RGS7: variants seen among roughly 807,000 people sequenced by gnomAD.
The protein encoded by RGS7 is regulator of G-protein signaling 7.
A neutral mutation model predicts 81.1 loss-of-function variants in RGS7; 27 were observed. That is an observed-to-expected ratio of 0.33 (90% confidence interval 0.25 to 0.46). The LOEUF is 0.46. RGS7 is among the 20% of genes least tolerant of loss of function. RGS7 has a pLI of 1.00. For missense variants in RGS7, 396 were observed against 607.4 expected (o/e 0.65, Z 3.66); for synonymous variants, 208 against 207.7 (o/e 1.00, Z -0.01).
intron 9 of RGS7, among the ~76,000 whole-genome samples, chr1:240,846,258 GT>G (rs1429307836): frequency 2.0e-5 from 3 of 152,028 alleles, no homozygotes; most frequent in African/African-American, 4.8e-5. Context: ...CATCTCAAAA[GT>G]TTTTTTCCTT....
chr1:240,890,651 G>C (rs1407438062), intron 6 of RGS7, among the ~76,000 whole-genome samples: 2 of 152,206 alleles, frequency 1.3e-5, no homozygotes, highest in Admixed American at 6.5e-5. Flanking sequence ...GCCAGGCACT[G>C]TGATTGTGCT....
intron 2 of RGS7, among the ~76,000 whole-genome samples, chr1:241,254,199 A>C (rs2076957189): frequency 1.0e-5 from 1 of 99,470 alleles, no homozygotes; most frequent in Non-Finnish European, 2.4e-5. Context: ...ACTCCATCTC[A>C]AAAAAAAAAA....
chr1:240,944,282 G>GTGTATATATATA (rs1352421845), intron 4 of RGS7, among the ~76,000 whole-genome samples: 5 of 55,822 alleles, frequency 9.0e-5, no homozygotes, highest in East Asian at 7.2e-4. Flanking sequence ...GTGTGTGTGT[G>GTGTATATATATA]TATATATATA....
In RGS7 at chr1:241,230,165, A is replaced by T. The variant is rs143197848; in HGVS notation, c.78+125534T>A. Among the ~76,000 whole-genome samples the T allele has an allele frequency of 1.2e-3, 184 of 152,244 alleles. 3 individuals carry two copies. The highest frequency in any genetic ancestry group is 1.2e-4 in the Non-Finnish European group (8 of 68,020). ...GGAAATTCCTACTTAATATGAGTCC[A>T]TATAATCAGAAAACATGATGAATTT... On this transcript the variant is annotated intron_variant, in intron 2 of 18. Transcript: ENST00000440928.
chr1:240,780,601 G>A (rs1035656767), intron 18 of RGS7, among the ~76,000 whole-genome samples: 1 of 151,942 alleles, frequency 6.6e-6, no homozygotes, highest in Non-Finnish European at 1.5e-5. Context: ...ACAGATTAAT[G>A]TGATTTGGTT....
intron 9 of RGS7, among the ~76,000 whole-genome samples, chr1:240,848,451 C>G (rs10926370): frequency 6.6e-6 from 1 of 151,812 alleles, no homozygotes; most frequent in Non-Finnish European, 1.5e-5. Context: ...TCAGGACACA[C>G]AATAATTTTT....
intron 4 of RGS7, among the ~76,000 whole-genome samples, chr1:240,955,547 G>GCA (rs1680241687): frequency 7.0e-6 from 1 of 143,474 alleles, no homozygotes; most frequent in African/African-American, 2.7e-5. Context: ...GCAAGACTCT[G>GCA]TCTCAAAAAA....
intron 2 of RGS7, among the ~76,000 whole-genome samples, chr1:241,258,393 C>T (rs180952293): frequency 6.6e-6 from 1 of 152,196 alleles, no homozygotes; most frequent in Non-Finnish European, 1.5e-5. Flanking sequence ...TTTTTATTGG[C>T]AGAACTTATT....
At chr1:241,152,140 C>CAAAAAAAAAAAA (rs112950850) in intron 2 of RGS7, among the ~76,000 whole-genome samples, 6 of 108,488 alleles carry the variant, frequency 5.5e-5, no homozygotes, top group African/African-American at 1.8e-4. Flanking sequence ...CATTAGCAGC[C>CAAAAAAAAAAAA]AAAAAAAAAA....
intron 2 of RGS7, among the ~76,000 whole-genome samples, chr1:241,177,217 G>C (rs1030157807): frequency 1.3e-5 from 2 of 152,220 alleles, no homozygotes; most frequent in Non-Finnish European, 1.5e-5. Context: ...CTACTCCACA[G>C]AGCTTGCCAA....
At chr1:240,797,256 A>G (rs1687222481) in intron 18 of RGS7, among the ~76,000 whole-genome samples, 1 of 152,222 alleles carries the variant, frequency 6.6e-6, no homozygotes, top group Admixed American at 6.5e-5. Flanking sequence ...GTGGCTGATC[A>G]GTCATCCTAC....
intron 2 of RGS7, among the ~76,000 whole-genome samples, chr1:241,291,587 T>TTTTTTTC (rs2079091153): frequency 7.4e-6 from 1 of 135,108 alleles, no homozygotes; most frequent in African/African-American, 2.7e-5. Flanking sequence ...TTTTTTTTTT[T>TTTTTTTC]GCTTTTTTGA....
intron 2 of RGS7, among the ~76,000 whole-genome samples, chr1:241,294,920 T>A (rs1422677284): frequency 6.6e-6 from 1 of 152,100 alleles, no homozygotes; most frequent in African/African-American, 2.4e-5. Flanking sequence ...AAGAAACAAA[T>A]AGTGGTGAGA....
At chr1:241,140,906 C>T (rs4660032) in intron 2 of RGS7, among the ~76,000 whole-genome samples, 26,855 of 152,114 alleles carry the variant, frequency 0.18, 5,876 homozygotes, top group African/African-American at 0.51. Flanking sequence ...CCCACTAGTG[C>T]CTGTTCACCT....
chr1:241,226,616 T>G (rs2075323799), intron 2 of RGS7, among the ~76,000 whole-genome samples: 1 of 152,166 alleles, frequency 6.6e-6, no homozygotes, highest in African/African-American at 2.4e-5. Flanking sequence ...AACAATGGAC[T>G]GATTCCATTA....
Position 240,972,709 on chromosome 1 carries a change from AAC to A in RGS7, c.226+10368_226+10369del, listed in dbSNP as rs573937999. Among the ~76,000 whole-genome samples, 64 of 22,926 alleles carry A rather than the reference AAC, an allele frequency of 2.8e-3. 1 individual carries two copies. Among genetic ancestry groups the A allele is most frequent in the South Asian group, 0.017 (2 of 120 alleles). The allele number at this position is 22,926 out of a possible 152,430, so 15.0% of individuals were successfully genotyped here. A position where few individuals can be genotyped will look rare whatever the true frequency, so the allele number is the denominator to read the frequency against. On this transcript the variant is annotated intron_variant, in intron 4 of 18. Coordinates refer to ENST00000440928, the MANE Select transcript of RGS7 (RefSeq NM_001364886.1). ...CTTAAAGTATAATAAAAAAAAAAAA[AAC>A]AAAAAAAAAAACCCAAAAAGGTGCA...
intron 2 of RGS7, among the ~76,000 whole-genome samples, chr1:241,118,699 T>C (rs2066037902): frequency 1.3e-5 from 2 of 152,152 alleles, no homozygotes; most frequent in Admixed American, 1.3e-4. Context: ...CACCATGGAA[T>C]ACTACACAGT....
At chr1:241,047,008 T>C (rs2060963847) in intron 3 of RGS7, among the ~76,000 whole-genome samples, 1 of 152,226 alleles carries the variant, frequency 6.6e-6, no homozygotes, top group African/African-American at 2.4e-5. Context: ...GCAGCAAATT[T>C]TGTGAGCAGT....
At chr1:241,268,446 T>A (rs2077705663) in intron 2 of RGS7, among the ~76,000 whole-genome samples, 1 of 152,146 alleles carries the variant, frequency 6.6e-6, no homozygotes, top group Admixed American at 6.6e-5. Context: ...GTTGTGCCAA[T>A]GAAAAATGTC....
Sources: allele counts gnomAD v4.1 joint callset (sites outside exome capture counted in the v4.1 genomes callset), GRCh38; gene constraint gnomAD v4.1.1; transcripts MANE v1.5; gene names NCBI Gene and HGNC (gene_info 2026-07-23, HGNC 2026-07-21).